The following PTPRN2 variants were observed in gnomAD, a reference collection of about 807,000 sequenced individuals.
The protein encoded by PTPRN2 is protein tyrosine phosphatase receptor type N2.
Under a neutral mutation model 118.8 loss-of-function variants are expected in PTPRN2, and 74 were observed. The ratio of observed to expected loss-of-function variants is 0.62; its 90% CI spans 0.52 to 0.76. PTPRN2 has a LOEUF of 0.76. PTPRN2 is among the 30% of genes least tolerant of loss of function. The pLI is 0.00. For missense variants in PTPRN2, 1,481 were observed against 1,394.4 expected (o/e 1.06, Z -0.99); for synonymous variants, 641 against 608.0 (o/e 1.05, Z -0.80).
chr7:158,115,770 G>A (rs543463173), intron 9 of PTPRN2, among the ~76,000 whole-genome samples: 2 of 152,176 alleles, frequency 1.3e-5, no homozygotes, highest in African/African-American at 4.8e-5. Flanking sequence ...ATAGCACTGC[G>A]AGTGGACTCA....
At chr7:157,926,762 C>A (rs1253002737) in intron 11 of PTPRN2, among the ~76,000 whole-genome samples, 2 of 152,236 alleles carry the variant, frequency 1.3e-5, no homozygotes, top group Non-Finnish European at 2.9e-5. Context: ...TCTCTCCCTG[C>A]AGCCCTGGAG....
At position 158,204,321 on chromosome 7, in the gene PTPRN2, GC is replaced by G. The variant is rs372450891; in HGVS notation, c.380+849del. ...GCAACCCGCGCCCTCAGTGTGTGCG[GC>G]GTGCTGGGGGACGGTTACCAGTTCT... On this transcript the variant is annotated intron_variant, in intron 4 of 22. Transcript: ENST00000389418. Among the ~76,000 whole-genome samples the G allele has an allele frequency of 3.5e-4, 54 of 152,384 alleles. No homozygotes were observed. In the East Asian group the frequency reaches 6.7e-3, roughly 19 times the overall value.
At chr7:158,279,678 GC>G (rs374888911) in intron 3 of PTPRN2, among the ~76,000 whole-genome samples, 30 of 152,216 alleles carry the variant, frequency 2.0e-4, no homozygotes, top group African/African-American at 7.0e-4. Context: ...CGGCCCACAA[GC>G]CCCGTGTGCA....
In PTPRN2 at chr7:158,399,100, G is replaced by A. The variant is rs114735400; in HGVS notation, c.164-82168C>T. ...TACATGTCTTATGTATTTGCTTAGT[G>A]TCCATAGTCTCTCTTCATTTCATGC... On this transcript the variant is annotated intron_variant, in intron 2 of 22. Coordinates refer to ENST00000389418, the MANE Select transcript of PTPRN2 (RefSeq NM_002847.5). 3.0e-3 allele frequency among the ~76,000 whole-genome samples: 453 copies of A among 152,196 alleles called. 2 individuals carry two copies. The highest frequency in any genetic ancestry group is 0.01 in the African/African-American group (431 of 41,516).
chr7:158,070,561 G>C (rs1259241096), intron 11 of PTPRN2, among the ~76,000 whole-genome samples: 7 of 125,336 alleles, frequency 5.6e-5, no homozygotes, highest in African/African-American at 1.4e-4. Flanking sequence ...TGCCCATGGT[G>C]GTGGTGGAGG....
rs149978102 is a variant in PTPRN2, at chr7:157,752,420, G to A, written c.1789-69483C>T. ...GTGCTCTGGGCGAGCACGTGCCCTC[G>A]TCCAGTCTCCCTTCCTGGGCAGCCC... On this transcript the variant is annotated intron_variant, in intron 12 of 22. Transcript: ENST00000389418. 3.4e-3 allele frequency among the ~76,000 whole-genome samples: 525 copies of A among 152,290 alleles called. 8 individuals carry two copies. The highest frequency in any genetic ancestry group is 0.011 in the African/African-American group (454 of 41,562).
At chr7:157,937,999 C>T (rs963641564) in intron 11 of PTPRN2, among the ~76,000 whole-genome samples, 10 of 152,160 alleles carry the variant, frequency 6.6e-5, no homozygotes, top group African/African-American at 1.9e-4. Flanking sequence ...ATGTGGCATG[C>T]GGAGCCACTC....
chr7:158,178,074 G>T (rs918453777), intron 5 of PTPRN2, among the ~76,000 whole-genome samples: 1 of 152,078 alleles, frequency 6.6e-6, no homozygotes, highest in Non-Finnish European at 1.5e-5. Flanking sequence ...ATTCTTATAG[G>T]TTTGTAGTGG....
intron 3 of PTPRN2, among the ~76,000 whole-genome samples, chr7:158,294,352 T>G (rs927296937): frequency 2.6e-5 from 4 of 152,258 alleles, no homozygotes; most frequent in African/African-American, 9.6e-5. Context: ...AGAAGGATTT[T>G]TGTTTTCCCC....
rs964929937 is a variant in PTPRN2, at chr7:157,813,596, C to T, written c.1788+85077G>A. On this transcript the variant is annotated intron_variant, in intron 12 of 22. Coordinates refer to ENST00000389418, the MANE Select transcript of PTPRN2 (RefSeq NM_002847.5). This position sits in a 1 kb window ranked among gnomAD's most constrained non-coding sequence, Gnocchi z 4.7. ...GAAAGATCAGAGGACAAGATGCCCACGAATGATAAGCGCCTTTGCTGCCTC... is the reference window on the plus strand; with the variant it reads ...GAAAGATCAGAGGACAAGATGCCCATGAATGATAAGCGCCTTTGCTGCCTC... Among the ~76,000 whole-genome samples the T allele has an allele frequency of 8.5e-5, 13 of 152,142 alleles. No individual in the cohort carries two copies. The highest frequency in any genetic ancestry group is 1.5e-4 in the Non-Finnish European group (10 of 68,034).
intron 3 of PTPRN2, among the ~76,000 whole-genome samples, chr7:158,256,096 C>T (rs6459854): frequency 0.02 from 3,052 of 152,310 alleles, 120 homozygotes; most frequent in African/African-American, 0.069. Context: ...AGGGATGTCC[C>T]GTGTCTACTG....
At chr7:157,905,388 A>G (rs1797715336) in intron 11 of PTPRN2, among the ~76,000 whole-genome samples, 1 of 152,228 alleles carries the variant, frequency 6.6e-6, no homozygotes, top group Admixed American at 6.5e-5. Flanking sequence ...GCGTGGAGAC[A>G]GTTGGAGAAG....
chr7:158,445,508 C>A (rs539630184), intron 2 of PTPRN2, among the ~76,000 whole-genome samples: 1 of 152,204 alleles, frequency 6.6e-6, no homozygotes, highest in African/African-American at 2.4e-5. Flanking sequence ...AGTGACCCCG[C>A]GGCCTCTCGG....
At chr7:158,515,947 T>G (rs1169978687) in intron 1 of PTPRN2, among the ~76,000 whole-genome samples, 6 of 152,200 alleles carry the variant, frequency 3.9e-5, no homozygotes, top group African/African-American at 7.2e-5. Context: ...TTGTAACCTC[T>G]ATCACACAAA....
At chr7:158,186,303 G>A (rs1825127236) in intron 5 of PTPRN2, among the ~76,000 whole-genome samples, 1 of 152,102 alleles carries the variant, frequency 6.6e-6, no homozygotes. Context: ...CCTCAGCTCT[G>A]GCAGATTTCT....
intron 12 of PTPRN2, among the ~76,000 whole-genome samples, chr7:157,873,536 G>GCAGAATTTCCT (rs1563195161): frequency 1.3e-4 from 19 of 147,628 alleles, no homozygotes; most frequent in African/African-American, 3.8e-4. Flanking sequence ...CTGTCCTCAA[G>GCAGAATTTCCT]GTCTGTCTCG....
intron 12 of PTPRN2, among the ~76,000 whole-genome samples, chr7:157,844,770 G>A (rs1161688877): frequency 9.8e-5 from 15 of 152,308 alleles, no homozygotes; most frequent in African/African-American, 3.1e-4. Context: ...GCAGGTCAGC[G>A]GCTCCGCAGG....
At chr7:158,006,342 C>T (rs539893106) in intron 11 of PTPRN2, among the ~76,000 whole-genome samples, 65 of 152,356 alleles carry the variant, frequency 4.3e-4, no homozygotes, top group East Asian at 1.3e-3. Context: ...ATCATGTTTG[C>T]TCCTCCATGG....
chr7:158,413,044 T>C (rs1163065899), intron 2 of PTPRN2, among the ~76,000 whole-genome samples: 1 of 145,396 alleles, frequency 6.9e-6, no homozygotes, highest in African/African-American at 2.6e-5. Flanking sequence ...CCAGGGCCCA[T>C]CCAGTGCCCT....
Sources: gnomAD v4.1 joint callset for allele counts (sites outside exome capture counted in the v4.1 genomes callset) on GRCh38, gnomAD v4.1.1 for gene constraint, Gnocchi (gnomAD v3.1) non-coding constraint, MANE v1.5 for transcripts, NCBI Gene and HGNC (gene_info 2026-07-23, HGNC 2026-07-21) for gene names.